Variants in TLK1 observed in about 807,000 individuals in gnomAD.
The protein encoded by TLK1 is serine/threonine-protein kinase tousled-like 1.
A neutral mutation model predicts 105.3 loss-of-function variants in TLK1; 24 were observed. That is an observed-to-expected ratio of 0.23 (90% CI 0.17 to 0.32). The LOEUF (loss-of-function observed/expected upper bound fraction) is 0.32, where lower values mean the gene tolerates loss of function less well. TLK1 is among the 10% of genes least tolerant of loss of function. The probability of loss-of-function intolerance (pLI) is 1.00; values close to 1 mark genes in which losing one functional copy is unlikely to be tolerated. For missense variants in TLK1, 558 were observed against 910.5 expected, an observed-to-expected ratio of 0.61 and a Z score of 4.98; for synonymous variants, 321 against 310.4, an observed-to-expected ratio of 1.03 and a Z score of -0.36.
intron 1 of TLK1, among the ~76,000 whole-genome samples, chr2:171,151,176 C>T (rs1327940088): frequency 6.6e-6 from 1 of 152,062 alleles, no homozygotes; most frequent in African/African-American, 2.4e-5. Context: ...CACCACAATG[C>T]CCGGCTAATT....
chr2:171,145,836 G>A (rs1055364943), intron 1 of TLK1, among the ~76,000 whole-genome samples: 3 of 152,034 alleles, frequency 2.0e-5, no homozygotes, highest in African/African-American at 2.4e-5. Context: ...TATATAATGC[G>A]TGGATCCATT....
intron 1 of TLK1, among the ~76,000 whole-genome samples, chr2:171,170,556 G>A (rs915645616): frequency 1.3e-5 from 2 of 152,142 alleles, no homozygotes; most frequent in African/African-American, 2.4e-5. Context: ...CCAGACAAAA[G>A]ACTTAAGAGT....
intron 1 of TLK1, among the ~76,000 whole-genome samples, chr2:171,177,220 C>G (rs1558981503): frequency 6.6e-6 from 1 of 152,206 alleles, no homozygotes; most frequent in East Asian, 1.9e-4. Context: ...CAGCTCACTG[C>G]AGCCTTGACC....
intron 3 of TLK1, among the ~76,000 whole-genome samples, chr2:171,080,875 C>T (rs2217152): frequency 0.4 from 59,985 of 151,718 alleles, 13,366 homozygotes; most frequent in African/African-American, 0.59. Context: ...ACCCAGCTAA[C>T]TTTTTGTGTT....
chr2:171,217,787 C>A (rs1477637055), intron 1 of TLK1, among the ~76,000 whole-genome samples: 2 of 152,150 alleles, frequency 1.3e-5, no homozygotes, highest in African/African-American at 4.8e-5. Flanking sequence ...GTAATATGGT[C>A]TTATTTTTAT....
At chr2:171,118,279 C>T (rs1004620404) in intron 1 of TLK1, among the ~76,000 whole-genome samples, 18 of 152,170 alleles carry the variant, frequency 1.2e-4, no homozygotes, top group African/African-American at 4.3e-4. Flanking sequence ...AACAATGGAC[C>T]ATGGGTCCAT....
chr2:171,187,582 G>T (rs953093044), intron 1 of TLK1, among the ~76,000 whole-genome samples: 2 of 152,150 alleles, frequency 1.3e-5, no homozygotes, highest in Admixed American at 1.3e-4. Context: ...TAAGAAGGGG[G>T]CACAAAATCA....
intron 2 of TLK1, among the ~76,000 whole-genome samples, chr2:171,084,760 C>T (rs1450347392): frequency 2.0e-5 from 3 of 151,822 alleles, no homozygotes; most frequent in African/African-American, 7.3e-5. Flanking sequence ...AGAGATATTA[C>T]AAAAAGGACT....
chr2:171,065,300 T>G (rs1383445753), intron 3 of TLK1, among the ~76,000 whole-genome samples: 3 of 152,206 alleles, frequency 2.0e-5, no homozygotes, highest in African/African-American at 7.2e-5. Flanking sequence ...TGGGCCTCAC[T>G]GAATAGACAA....
intron 2 of TLK1, among the ~76,000 whole-genome samples, chr2:171,103,803 A>T (rs1689800227): frequency 6.6e-6 from 1 of 152,060 alleles, no homozygotes; most frequent in Non-Finnish European, 1.5e-5. Flanking sequence ...CTCCTTCTAC[A>T]TTCTATTCCA....
intron 2 of TLK1, among the ~76,000 whole-genome samples, chr2:171,094,264 T>C (rs879446876): frequency 1.8e-4 from 27 of 151,862 alleles, no homozygotes; most frequent in Non-Finnish European, 2.5e-4. Flanking sequence ...GTCTAGAAAA[T>C]GAAGTAGAAT....
At chr2:171,039,616 T>C (rs947006672) in intron 11 of TLK1, among the ~76,000 whole-genome samples, 3 of 152,222 alleles carry the variant, frequency 2.0e-5, no homozygotes, top group Admixed American at 6.5e-5. Flanking sequence ...CATGAACCTG[T>C]AGACTGATCT....
At chr2:171,120,193 G>C (rs1396283245) in intron 1 of TLK1, among the ~76,000 whole-genome samples, 1 of 139,294 alleles carries the variant, frequency 7.2e-6, no homozygotes, top group Admixed American at 7.7e-5. Flanking sequence ...AGGCTGCAGT[G>C]AATCGAGGTC....
chr2:171,144,667 A>C (rs1558966364), intron 1 of TLK1, among the ~76,000 whole-genome samples: 1 of 152,212 alleles, frequency 6.6e-6, no homozygotes, highest in African/African-American at 2.4e-5. Context: ...GAACTAAATC[A>C]GTGCTTAGAG....
intron 1 of TLK1, among the ~76,000 whole-genome samples, chr2:171,221,395 C>T (rs893619129): frequency 1.5e-4 from 23 of 152,086 alleles, no homozygotes; most frequent in African/African-American, 5.6e-4. Flanking sequence ...TAAAGGAGTG[C>T]CTATTGTGGT....
At chr2:171,140,362 A>G (rs1691523281) in intron 1 of TLK1, among the ~76,000 whole-genome samples, 1 of 152,218 alleles carries the variant, frequency 6.6e-6, no homozygotes, top group South Asian at 2.1e-4. Flanking sequence ...CAGGCAGTAA[A>G]GAAATGGGGC....
intron 12 of TLK1, among the ~76,000 whole-genome samples, chr2:171,027,946 C>T (rs559727784): frequency 1.3e-5 from 2 of 152,192 alleles, no homozygotes; most frequent in African/African-American, 2.4e-5. Flanking sequence ...GTGGATCACA[C>T]GAAGCCAGGA....
chr2:171,088,796 A>G (rs1436863700), intron 2 of TLK1, among the ~76,000 whole-genome samples: 1 of 152,236 alleles, frequency 6.6e-6, no homozygotes, highest in Non-Finnish European at 1.5e-5. Context: ...GCAAGGTCTC[A>G]AAAATTTCAC....
At chr2:171,020,471 C>T (rs1339874146) in intron 12 of TLK1, among the ~76,000 whole-genome samples, 1 of 150,534 alleles carries the variant, frequency 6.6e-6, no homozygotes, top group Non-Finnish European at 1.5e-5. Flanking sequence ...ACCCAGGAGT[C>T]GGAGGTTGCA....
Sources: allele counts gnomAD v4.1 joint callset (sites outside exome capture counted in the v4.1 genomes callset), GRCh38; gene constraint gnomAD v4.1.1; transcripts MANE v1.5; gene names NCBI Gene and HGNC (gene_info 2026-07-23, HGNC 2026-07-21).